ZNF704: variants seen among roughly 807,000 people sequenced by gnomAD.
ZNF704 encodes the protein glucocorticoid induced gene 1.
A neutral mutation model predicts 44.7 loss-of-function variants in ZNF704; 10 were observed. The ratio of observed to expected loss-of-function variants is 0.22; its 90% CI spans 0.14 to 0.38. The LOEUF (loss-of-function observed/expected upper bound fraction) is 0.38, where lower values mean the gene tolerates loss of function less well. Ranked by LOEUF, ZNF704 falls within the 10% of genes least tolerant of loss-of-function variation. The pLI, the probability that ZNF704 is intolerant of heterozygous loss-of-function variation, is 1.00. For synonymous variants in ZNF704, 211 were observed against 207.6 expected (o/e 1.02, Z -0.14); for missense variants, 390 against 545.5 (o/e 0.71, Z 2.84).
At chr8:80,668,039 G>A (rs1818222790) in intron 5 of ZNF704, among the ~76,000 whole-genome samples, 2 of 152,200 alleles carry the variant, frequency 1.3e-5, no homozygotes, top group South Asian at 2.1e-4. Flanking sequence ...AGCTTCTTAG[G>A]TGTTTTCAAA....
At chr8:80,835,154 A>T (rs1808537836) in intron 1 of ZNF704, among the ~76,000 whole-genome samples, 1 of 152,208 alleles carries the variant, frequency 6.6e-6, no homozygotes, top group Non-Finnish European at 1.5e-5. Flanking sequence ...TACATTATGC[A>T]AGGGAGACAC....
chr8:80,824,969 C>T (rs1194215591), intron 1 of ZNF704, among the ~76,000 whole-genome samples: 18 of 152,196 alleles, frequency 1.2e-4, no homozygotes, highest in Admixed American at 9.2e-4. Flanking sequence ...ACTGCAAAAA[C>T]ATGCCAAATT....
intron 1 of ZNF704, among the ~76,000 whole-genome samples, chr8:80,859,100 G>C (rs531949072): frequency 1.3e-5 from 2 of 152,114 alleles, no homozygotes; most frequent in East Asian, 1.9e-4. Flanking sequence ...GACTCTTTGG[G>C]CTTTTGCTTC....
intron 2 of ZNF704, among the ~76,000 whole-genome samples, chr8:80,734,901 T>C (rs1303684905): frequency 6.6e-6 from 1 of 152,210 alleles, no homozygotes; most frequent in Non-Finnish European, 1.5e-5. Flanking sequence ...TAATCAAGTT[T>C]CTTAATTTTC....
chr8:80,743,558 G>C (rs1245372632), intron 2 of ZNF704, among the ~76,000 whole-genome samples: 1 of 152,250 alleles, frequency 6.6e-6, no homozygotes, highest in East Asian at 1.9e-4. Flanking sequence ...GCTGAGAGCA[G>C]TGGCTCTCCT....
chr8:80,872,383 C>T (rs373055129), intron 1 of ZNF704, among the ~76,000 whole-genome samples: 1 of 152,146 alleles, frequency 6.6e-6, no homozygotes, highest in Non-Finnish European at 1.5e-5. Flanking sequence ...TTCTAATTGC[C>T]GATGTTCAAC....
At chr8:80,802,526 C>T (rs1026881172) in intron 2 of ZNF704, among the ~76,000 whole-genome samples, 4 of 152,072 alleles carry the variant, frequency 2.6e-5, no homozygotes, top group Admixed American at 6.6e-5. Flanking sequence ...GATGCAAGGT[C>T]GGTTCGACAT....
intron 1 of ZNF704, among the ~76,000 whole-genome samples, chr8:80,833,264 C>T (rs1031672503): frequency 1.3e-5 from 2 of 152,106 alleles, no homozygotes; most frequent in South Asian, 2.1e-4. Context: ...GCAGGAGAAT[C>T]GCTTGAACCT....
At chr8:80,838,385 C>A (rs893062489) in intron 1 of ZNF704, among the ~76,000 whole-genome samples, 5 of 152,144 alleles carry the variant, frequency 3.3e-5, no homozygotes, top group African/African-American at 1.2e-4. Flanking sequence ...TTTCTCTGGG[C>A]AGAAACAGGG....
intron 1 of ZNF704, among the ~76,000 whole-genome samples, chr8:80,836,599 A>AC (rs1006384726): frequency 1.3e-5 from 2 of 151,466 alleles, no homozygotes; most frequent in African/African-American, 2.4e-5. Context: ...AAACCTGGCA[A>AC]CCCCCCGTCT....
At chr8:80,834,291 G>A (rs1586062493) in intron 1 of ZNF704, among the ~76,000 whole-genome samples, 1 of 152,130 alleles carries the variant, frequency 6.6e-6, no homozygotes, top group Non-Finnish European at 1.5e-5. Context: ...ACAAAAAAAA[G>A]TGAGTCAAAG....
chr8:80,808,735 T>C (rs1448474425), intron 2 of ZNF704, among the ~76,000 whole-genome samples: 3 of 152,218 alleles, frequency 2.0e-5, no homozygotes, highest in Non-Finnish European at 4.4e-5. Context: ...TGCTTAGTAT[T>C]TGCAAAATTA....
At chr8:80,706,657 C>G (rs1818903384) in intron 2 of ZNF704, among the ~76,000 whole-genome samples, 1 of 152,242 alleles carries the variant, frequency 6.6e-6, no homozygotes, top group Non-Finnish European at 1.5e-5. Flanking sequence ...TGGGTAATGG[C>G]CTTGCCCTTC....
intron 2 of ZNF704, among the ~76,000 whole-genome samples, chr8:80,720,439 T>C (rs1198748779): frequency 1.3e-5 from 2 of 152,258 alleles, no homozygotes; most frequent in Admixed American, 6.5e-5. Context: ...GACTAGTTTA[T>C]GCAACAGTCT....
chr8:80,811,655 C>T (rs967601215), intron 2 of ZNF704, among the ~76,000 whole-genome samples: 3 of 152,130 alleles, frequency 2.0e-5, no homozygotes, highest in Non-Finnish European at 2.9e-5. Flanking sequence ...AGTGTGTTAA[C>T]TATACAAAAA....
chr8:80,694,205 T>G (rs553369656), intron 2 of ZNF704: 1 of 152,024 alleles, frequency 6.6e-6, no homozygotes, highest in Admixed American at 6.5e-5. Flanking sequence ...ATAGAAAGAG[T>G]AGGTCATGGG....
chr8:80,643,750 G>A (rs546159722), intron 7 of ZNF704, among the ~76,000 whole-genome samples: 3 of 152,166 alleles, frequency 2.0e-5, no homozygotes, highest in South Asian at 4.1e-4. Flanking sequence ...AAATCTTAAA[G>A]TACATTCCTG....
intron 2 of ZNF704, among the ~76,000 whole-genome samples, chr8:80,732,620 C>G (rs1403505269): frequency 6.6e-6 from 1 of 152,190 alleles, no homozygotes; most frequent in Non-Finnish European, 1.5e-5. Flanking sequence ...GATGACTGCC[C>G]CCAGGCAAGA....
intron 2 of ZNF704, among the ~76,000 whole-genome samples, chr8:80,717,880 T>C (rs563051543): frequency 6.6e-6 from 1 of 152,324 alleles, no homozygotes; most frequent in African/African-American, 2.4e-5. Flanking sequence ...AGGCCATTCA[T>C]CAGCTAATTC....
Sources: allele counts gnomAD v4.1 joint callset (sites outside exome capture counted in the v4.1 genomes callset), GRCh38; gene constraint gnomAD v4.1.1; transcripts MANE v1.5; gene names NCBI Gene and HGNC (gene_info 2026-07-23, HGNC 2026-07-21).